ANKS1B: variants seen among roughly 807,000 people sequenced by gnomAD.
The protein encoded by ANKS1B is ankyrin repeat and sterile alpha motif domain-containing protein 1B.
A neutral mutation model predicts 148.3 loss-of-function variants in ANKS1B; 36 were observed. The observed-to-expected ratio is 0.24, with a 90% CI of 0.19 to 0.32. The LOEUF (loss-of-function observed/expected upper bound fraction) is 0.32. Ranked by LOEUF, ANKS1B falls within the 10% of genes least tolerant of loss-of-function variation. ANKS1B has a pLI of 1.00. For synonymous variants in ANKS1B, 542 were observed against 560.8 expected (o/e 0.97, Z 0.47); for missense variants, 1,157 against 1,542.6 (o/e 0.75, Z 4.19).
chr12:99,861,309 T>C (rs2089986565), intron 1 of ANKS1B, among the ~76,000 whole-genome samples: 1 of 152,154 alleles, frequency 6.6e-6, no homozygotes. Flanking sequence ...TATAATCACA[T>C]GAAATAAGAG....
chr12:99,918,109 T>C (rs1017738347), intron 1 of ANKS1B, among the ~76,000 whole-genome samples: 6 of 152,148 alleles, frequency 3.9e-5, no homozygotes, highest in African/African-American at 1.2e-4. Flanking sequence ...CATGGAAAAA[T>C]TGACTTCCAC....
intron 17 of ANKS1B, among the ~76,000 whole-genome samples, chr12:98,844,956 G>C (rs1276216369): frequency 1.3e-5 from 2 of 152,196 alleles, no homozygotes; most frequent in East Asian, 3.8e-4. Flanking sequence ...CAATTTAACA[G>C]GGATAAATAT....
At chr12:99,136,660 T>C (rs1053927207) in intron 15 of ANKS1B, among the ~76,000 whole-genome samples, 7 of 152,112 alleles carry the variant, frequency 4.6e-5, no homozygotes, top group African/African-American at 1.7e-4. Context: ...ATTAAGGGCA[T>C]TTGCATGTTA....
At chr12:99,679,546 G>A (rs1012024371) in intron 8 of ANKS1B, among the ~76,000 whole-genome samples, 15 of 152,126 alleles carry the variant, frequency 9.9e-5, no homozygotes, top group African/African-American at 3.4e-4. Context: ...CTGACTTCAA[G>A]TGATCCGCCC....
chr12:98,818,279 T>C (rs1004256258), intron 19 of ANKS1B, among the ~76,000 whole-genome samples: 3 of 152,024 alleles, frequency 2.0e-5, no homozygotes, highest in African/African-American at 7.2e-5. Flanking sequence ...CCTCGGCTAC[T>C]AAAGTAGGAG....
At chr12:99,244,525 T>C (rs535516781) in intron 13 of ANKS1B, 111 bp from the exon 14 acceptor site, 11 of 606,212 alleles carry the variant, frequency 1.8e-5, no homozygotes, top group Non-Finnish European at 3.0e-5. Context: ...ATTACCACAG[T>C]GTTCCACAGT....
chr12:99,295,830 C>T (rs566183324), intron 12 of ANKS1B, among the ~76,000 whole-genome samples: 1 of 152,264 alleles, frequency 6.6e-6, no homozygotes, highest in South Asian at 2.1e-4. Flanking sequence ...CATAATTTAG[C>T]TCCCACTTAT....
intron 1 of ANKS1B, among the ~76,000 whole-genome samples, chr12:99,953,144 C>A (rs1298823469): frequency 6.6e-6 from 1 of 151,932 alleles, no homozygotes; most frequent in Non-Finnish European, 1.5e-5. Context: ...AAAATAAAGA[C>A]AAAATATCCA....
At chr12:99,301,997 T>G (rs896384502) in intron 12 of ANKS1B, among the ~76,000 whole-genome samples, 2 of 151,982 alleles carry the variant, frequency 1.3e-5, no homozygotes, top group African/African-American at 2.4e-5. Flanking sequence ...GTGGGAGAAG[T>G]GTGTACAGTA....
intron 1 of ANKS1B, among the ~76,000 whole-genome samples, chr12:99,942,032 T>TA (rs2094932125): frequency 1.3e-5 from 2 of 152,072 alleles, no homozygotes; most frequent in African/African-American, 2.4e-5. Context: ...GCTTATGATT[T>TA]GAAAGGCATC....
At chr12:99,726,909 T>C (rs975931012) in intron 8 of ANKS1B, among the ~76,000 whole-genome samples, 3 of 152,180 alleles carry the variant, frequency 2.0e-5, no homozygotes, top group African/African-American at 4.8e-5. Context: ...TCTCAATAGA[T>C]GCAGAAAAGG....
At chr12:98,891,444 A>G (rs2099752423) in intron 17 of ANKS1B, among the ~76,000 whole-genome samples, 2 of 152,222 alleles carry the variant, frequency 1.3e-5, no homozygotes, top group South Asian at 4.1e-4. Context: ...CCATGAAGAT[A>G]GAGAAAAAAT....
rs1174970246 is a variant in ANKS1B, at chr12:98,829,415, T to C, written c.2887-62A>G. Reference sequence around the variant, plus strand: ...CTGTGGCTAACCTTTGGTTTCAAAATTGTGAAATACTGACAAGACAAACTG... The same window carrying C: ...CTGTGGCTAACCTTTGGTTTCAAAACTGTGAAATACTGACAAGACAAACTG... On this transcript the variant is annotated intron_variant, in intron 18 of 26. Transcript: ENST00000683438. This position sits in a 1 kb window ranked among gnomAD's most constrained non-coding sequence, Gnocchi z 5.2. 9 of 1,538,790 alleles carry C rather than the reference T, an allele frequency of 5.8e-6. No homozygotes were observed. Among genetic ancestry groups the C allele is most frequent in the Admixed American group, 4.0e-5 (2 of 50,464 alleles).
At chr12:99,067,443 G>T (rs1346674780) in intron 16 of ANKS1B, among the ~76,000 whole-genome samples, 1 of 152,222 alleles carries the variant, frequency 6.6e-6, no homozygotes, top group Admixed American at 6.5e-5. Flanking sequence ...GGCAGATTTG[G>T]CACCTTCAGT....
chr12:98,749,428 G>T (rs1467374979), intron 26 of ANKS1B, among the ~76,000 whole-genome samples: 1 of 152,072 alleles, frequency 6.6e-6, no homozygotes, highest in African/African-American at 2.4e-5. Flanking sequence ...TTTTTGTGGA[G>T]GAAGATAGAC....
chr12:99,218,135 A>G (rs986415713), intron 14 of ANKS1B, among the ~76,000 whole-genome samples: 1 of 152,236 alleles, frequency 6.6e-6, no homozygotes, highest in Middle Eastern at 3.4e-3. Flanking sequence ...TGCTAATATG[A>G]AAGTTTCAAA....
chr12:99,432,076 T>C (rs2152752217), intron 11 of ANKS1B, among the ~76,000 whole-genome samples: 1 of 152,334 alleles, frequency 6.6e-6, no homozygotes, highest in African/African-American at 2.4e-5. Flanking sequence ...TTTTGCCTCT[T>C]CACATGTTTT....
intron 12 of ANKS1B, among the ~76,000 whole-genome samples, chr12:99,328,992 A>G (rs867000298): frequency 1.5e-4 from 23 of 152,064 alleles, no homozygotes; most frequent in South Asian, 4.1e-4. Context: ...GCAAAAGAAA[A>G]CATACTAATG....
intron 8 of ANKS1B, among the ~76,000 whole-genome samples, chr12:99,746,735 G>A (rs1305716740): frequency 6.6e-6 from 1 of 152,108 alleles, no homozygotes; most frequent in African/African-American, 2.4e-5. Context: ...CAGACCTCAG[G>A]AGGCAGTATT....
Sources: allele counts gnomAD v4.1 joint callset (sites outside exome capture counted in the v4.1 genomes callset), GRCh38; gene constraint gnomAD v4.1.1; non-coding constraint Gnocchi (gnomAD v3.1); transcripts MANE v1.5; gene names NCBI Gene and HGNC (gene_info 2026-07-23, HGNC 2026-07-21).